Variants in PTPRN2 observed in about 807,000 individuals in gnomAD.
PTPRN2 encodes the protein receptor-type tyrosine-protein phosphatase N2.
In PTPRN2, 74 loss-of-function variants were observed where a neutral mutation model predicts 118.8. The observed-to-expected ratio is 0.62, with a 90% CI of 0.52 to 0.76. PTPRN2 has a LOEUF of 0.76. Among genes scored for constraint, PTPRN2 ranks in the 30% least tolerant of loss-of-function variants. The pLI, the probability that PTPRN2 is intolerant of heterozygous loss-of-function variation, is 0.00. For missense variants in PTPRN2, 1,481 were observed against 1,394.4 expected, an observed-to-expected ratio of 1.06 and a Z score of -0.99; for synonymous variants, 641 against 608.0, an observed-to-expected ratio of 1.05 and a Z score of -0.80.
At chr7:158,034,164 G>A (rs867671318) in intron 11 of PTPRN2, among the ~76,000 whole-genome samples, 1 of 148,642 alleles carries the variant, frequency 6.7e-6, no homozygotes, top group African/African-American at 2.5e-5. Context: ...GCACTCTGAG[G>A]CCTGGGTGAG....
rs1244072286 is a variant in PTPRN2 at position 158,262,956 on chromosome 7, ACACACATT to A, written c.277+53855_277+53862del. Among the ~76,000 whole-genome samples, 4 of 138,250 alleles carry A rather than the reference ACACACATT, an allele frequency of 2.9e-5. No homozygotes were observed. The East Asian group carries it at 8.8e-4, about 30-fold the overall frequency. The allele number at this position is 138,250 out of a possible 152,430, so 90.7% of individuals were successfully genotyped here. A position where few individuals can be genotyped will look rare whatever the true frequency, so the allele number is the denominator to read the frequency against. ...ACTGCACACACACATTCACACACAT[ACACACATT>A]CACACACTGCACACATACAGATTCA... On this transcript the variant is annotated intron_variant, in intron 3 of 22. Coordinates refer to ENST00000389418, the MANE Select transcript of PTPRN2 (RefSeq NM_002847.5).
intron 2 of PTPRN2, among the ~76,000 whole-genome samples, chr7:158,332,965 C>A (rs1176575868): frequency 1.4e-5 from 2 of 147,238 alleles, no homozygotes; most frequent in Non-Finnish European, 3.0e-5. Flanking sequence ...CACAGTCTCA[C>A]CATAAGAGGT....
intron 11 of PTPRN2, among the ~76,000 whole-genome samples, chr7:158,068,463 A>T (rs1407470980): frequency 6.6e-6 from 1 of 152,202 alleles, no homozygotes; most frequent in African/African-American, 2.4e-5. Flanking sequence ...TGCACTCGGC[A>T]CCACCTTTGC....
At chr7:157,559,295 C>T (rs546607506) in intron 21 of PTPRN2, among the ~76,000 whole-genome samples, 37 of 152,302 alleles carry the variant, frequency 2.4e-4, no homozygotes, top group Admixed American at 1.8e-3. Flanking sequence ...AGGGTCTGGA[C>T]GGAGGATGTT....
chr7:158,066,251 C>G (rs977609254), intron 11 of PTPRN2, among the ~76,000 whole-genome samples: 3 of 152,220 alleles, frequency 2.0e-5, no homozygotes, highest in African/African-American at 7.2e-5. Flanking sequence ...CCTGGGATGG[C>G]ACCTTCCATG....
chr7:158,185,016 T>A (rs1825024750), intron 5 of PTPRN2, among the ~76,000 whole-genome samples: 1 of 152,154 alleles, frequency 6.6e-6, no homozygotes, highest in Non-Finnish European at 1.5e-5. Flanking sequence ...CATCACATGG[T>A]CTATGTAACT....
chr7:157,561,166 A>G (rs566903645), intron 21 of PTPRN2, among the ~76,000 whole-genome samples: 21 of 140,410 alleles, frequency 1.5e-4, no homozygotes, highest in African/African-American at 5.4e-4. Flanking sequence ...CTGCCCGGCC[A>G]GTCTCCCCGC....
chr7:157,776,480 C>T (rs1008093628), intron 12 of PTPRN2, among the ~76,000 whole-genome samples: 320 of 144,964 alleles, frequency 2.2e-3, no homozygotes, highest in Non-Finnish European at 4.1e-3. Flanking sequence ...TCTCCCTCTC[C>T]TCCTCCCTCT....
intron 17 of PTPRN2, among the ~76,000 whole-genome samples, chr7:157,584,400 T>G (rs779199956): frequency 6.6e-6 from 1 of 152,176 alleles, no homozygotes; most frequent in Non-Finnish European, 1.5e-5. Flanking sequence ...ACAATTCACA[T>G]TTCTAAGAGG....
At chr7:158,405,241 GTCACATCCCCTAGGA>G in intron 2 of PTPRN2, among the ~76,000 whole-genome samples, 1 of 152,254 alleles carries the variant, frequency 6.6e-6, no homozygotes, top group East Asian at 1.9e-4. Context: ...ATTCCTGGGT[GTCACATCCCCTAGGA>G]TTTTGGGGTC....
chr7:158,483,296 C>T (rs1298758335), intron 2 of PTPRN2, among the ~76,000 whole-genome samples: 1 of 152,142 alleles, frequency 6.6e-6, no homozygotes, highest in East Asian at 1.9e-4. Context: ...GTATATAAAT[C>T]TTTTATTTGA....
intron 3 of PTPRN2, among the ~76,000 whole-genome samples, chr7:158,217,371 T>A (rs1053362793): frequency 2.6e-5 from 4 of 151,878 alleles, no homozygotes; most frequent in Admixed American, 2.6e-4. Context: ...TATGAAAAAA[T>A]TCAGAAACAA....
intron 12 of PTPRN2, among the ~76,000 whole-genome samples, chr7:157,841,519 A>G (rs1808418738): frequency 6.6e-6 from 1 of 152,196 alleles, no homozygotes; most frequent in African/African-American, 2.4e-5. Context: ...ACCCTAAATT[A>G]GTCTTAAACA....
At chr7:158,473,129 ACATTATCCCT>A (rs1463749618) in intron 2 of PTPRN2, among the ~76,000 whole-genome samples, 11 of 152,236 alleles carry the variant, frequency 7.2e-5, no homozygotes, top group African/African-American at 2.2e-4. Flanking sequence ...CCACGCACAG[ACATTATCCCT>A]CCAAACTCCT....
At chr7:158,409,460 G>A (rs1813855724) in intron 2 of PTPRN2, among the ~76,000 whole-genome samples, 1 of 152,226 alleles carries the variant, frequency 6.6e-6, no homozygotes, top group African/African-American at 2.4e-5. Context: ...GTCAGTCTGA[G>A]GAAGGAAAGA....
At chr7:158,095,176 G>A (rs948197370) in intron 10 of PTPRN2, among the ~76,000 whole-genome samples, 6 of 151,674 alleles carry the variant, frequency 4.0e-5, no homozygotes, top group African/African-American at 7.3e-5. Flanking sequence ...CAGCTCATGC[G>A]CAACGTCTCT....
chr7:158,118,203 T>C (rs1191932431), intron 9 of PTPRN2, among the ~76,000 whole-genome samples: 3 of 152,180 alleles, frequency 2.0e-5, no homozygotes, highest in African/African-American at 4.8e-5. Context: ...AATTATTAGT[T>C]TATATCCTGG....
At position 158,336,733 on chromosome 7, in the gene PTPRN2, G is replaced by A. The variant is rs1270077276; in HGVS notation, c.164-19801C>T. Reference sequence around the variant, plus strand: ...CCACACTCTCACCAAAAGAGCTGACGCCCGCAGACGTCACTCACACCCACA... The same window carrying A: ...CCACACTCTCACCAAAAGAGCTGACACCCGCAGACGTCACTCACACCCACA... On this transcript the variant is annotated intron_variant, in intron 2 of 22. Coordinates refer to ENST00000389418, the MANE Select transcript of PTPRN2 (RefSeq NM_002847.5). Among the ~76,000 whole-genome samples the A allele has an allele frequency of 3.1e-3, 178 of 56,668 alleles. 2 individuals are homozygous for A. Among genetic ancestry groups the A allele is most frequent in the South Asian group, 4.0e-3 (6 of 1,486 alleles). 37.2% of individuals were successfully genotyped at this position (56,668 alleles called of 152,430 possible).
At chr7:157,752,597 A>C (rs1801545562) in intron 12 of PTPRN2, among the ~76,000 whole-genome samples, 1 of 152,182 alleles carries the variant, frequency 6.6e-6, no homozygotes, top group African/African-American at 2.4e-5. Context: ...TCGTCTTATC[A>C]AATCTGATCC....
Sources: gnomAD v4.1 joint callset for allele counts (sites outside exome capture counted in the v4.1 genomes callset) on GRCh38, gnomAD v4.1.1 for gene constraint, MANE v1.5 for transcripts, NCBI Gene and HGNC (gene_info 2026-07-23, HGNC 2026-07-21) for gene names.